Variants in AQP2 observed in about 807,000 individuals in gnomAD.
The protein encoded by AQP2 is aquaporin-2.
A neutral mutation model predicts 21.6 loss-of-function variants in AQP2; 20 were observed. That is an observed-to-expected ratio of 0.92 (90% CI 0.65 to 1.34). AQP2 has a LOEUF of 1.34. AQP2 is among the 40% of genes most tolerant of loss of function. The pLI is 0.00. For missense variants in AQP2, 325 were observed against 363.4 expected, an observed-to-expected ratio of 0.89 and a Z score of 0.86; for synonymous variants, 168 against 166.9, an observed-to-expected ratio of 1.01 and a Z score of -0.05.
At chr12:49,951,547 C>T in intron 1 of AQP2, 1 of 283,712 alleles carries the variant, frequency 3.5e-6, no homozygotes, top group Non-Finnish European at 6.7e-6. Context: ...CTGCGGGGAG[C>T]CTTGGAGTGA....
rs755053175 is a variant in AQP2, at chr12:49,955,397, A to G, written c.607-2A>G. ...CAAGCCGCCCTCTCCGCTCGCCCCC[A>G]GGTCTTCTGGATCGGACCCCTGGTG... On this transcript the variant is annotated splice_acceptor_variant, in intron 3 of 3. Coordinates refer to ENST00000199280, the MANE Select transcript of AQP2 (RefSeq NM_000486.6). LOFTEE classifies it high-confidence loss of function. 1.9e-6 allele frequency: 3 copies of G among 1,611,954 alleles called. No individual in the cohort carries two copies. Among genetic ancestry groups the G allele is most frequent in the Non-Finnish European group, 2.5e-6 (3 of 1,179,446 alleles).
At chr12:49,954,054 C>T in intron 1 of AQP2, 101 bp from the exon 2 acceptor site, 1 of 1,513,486 alleles carries the variant, frequency 6.6e-7, no homozygotes, top group Non-Finnish European at 9.1e-7. Flanking sequence ...GGCTCCCAGC[C>T]CAGAGGCCCC....
At chr12:49,954,063 C>T in intron 1 of AQP2, 92 bp from the exon 2 acceptor site, 3 of 1,550,268 alleles carry the variant, frequency 1.9e-6, no homozygotes, top group Non-Finnish European at 2.6e-6. Context: ...CCCAGAGGCC[C>T]CCTGGTGCCT....
At position 49,958,167 on chromosome 12, in the gene AQP2, G is replaced by C. The variant is rs1040546021; in HGVS notation, c.*2559G>C. On this transcript the variant is annotated 3_prime_UTR_variant, in exon 4 of 4. Transcript: ENST00000199280. ...AGGACAAAGGCCCCCAGCCATGAAGGGTTTTGCTATTTCCAAAGCTTCCCC... is the reference window on the plus strand; with the variant it reads ...AGGACAAAGGCCCCCAGCCATGAAGCGTTTTGCTATTTCCAAAGCTTCCCC... 1 of 152,104 alleles carries C rather than the reference G, an allele frequency of 6.6e-6. No homozygotes were observed. Among genetic ancestry groups the C allele is most frequent in the East Asian group, 1.9e-4 (1 of 5,184 alleles). The allele number at this position is 152,104 out of a possible 1,614,324, so 9.4% of individuals were successfully genotyped here. A position where few individuals can be genotyped will look rare whatever the true frequency, so the allele number is the denominator to read the frequency against.
rs1227987712 is a variant in AQP2, at chr12:49,954,152, C to T, written c.361-3C>T. ...CCCCTACCCGCCTCTTCTCTGTCCC[C>T]AGCTCAGCAACAGCACGACGGCTGG... On this transcript the variant is annotated splice_region_variant and splice_polypyrimidine_tract_variant and intron_variant, in intron 1 of 3. Coordinates refer to ENST00000199280, the MANE Select transcript of AQP2 (RefSeq NM_000486.6). The T allele has an allele frequency of 6.3e-7, 1 of 1,598,348 alleles. No homozygotes were observed. Among genetic ancestry groups the T allele is most frequent in the Admixed American group, 1.7e-5 (1 of 60,004 alleles).
chr12:49,955,425 C>T lies in AQP2; in HGVS notation c.633C>T (p.Gly211=), dbSNP rs1411922470. The part of the protein sequence containing the change: ...HWVFWIGPLV[G]AILGSLLYNY... ...TCTTCTGGATCGGACCCCTGGTGGG[C>T]GCCATCCTGGGCTCCCTCCTCTACA... The change falls in exon 4 of 4, where the codon GGC becomes GGT. Residue 211 remains glycine (G), a synonymous_variant. Transcript: ENST00000199280. 1 of 1,612,658 alleles carries T rather than the reference C, an allele frequency of 6.2e-7. No individual in the cohort carries two copies. The highest frequency in any genetic ancestry group is 1.1e-5 in the South Asian group (1 of 91,068).
rs1947374625 is a variant in AQP2, at chr12:49,956,922, A to G, written c.*1314A>G. The G allele has an allele frequency of 6.6e-6, 1 of 152,624 alleles. No individual in the cohort carries two copies. Among genetic ancestry groups the G allele is most frequent in the African/African-American group, 2.4e-5 (1 of 41,452 alleles). 9.5% of individuals were successfully genotyped at this position (152,624 alleles called of 1,614,324 possible). A position where few individuals can be genotyped will look rare whatever the true frequency, so the allele number is the denominator to read the frequency against. Reference sequence around the variant, plus strand: ...AGCCTGCTGCTCTCAGGACCAGAGAAGGGAAATGACTTCTCCAGGCAGAGG... The same window carrying G: ...AGCCTGCTGCTCTCAGGACCAGAGAGGGGAAATGACTTCTCCAGGCAGAGG... On this transcript the variant is annotated 3_prime_UTR_variant, in exon 4 of 4. Coordinates refer to ENST00000199280, the MANE Select transcript of AQP2 (RefSeq NM_000486.6).
At chr12:49,954,824 ACTC>A in intron 3 of AQP2, 114 bp downstream of exon 3, 3 of 1,199,750 alleles carry the variant, frequency 2.5e-6, no homozygotes, top group Non-Finnish European at 3.7e-6. Flanking sequence ...AACCCTCCAC[ACTC>A]CTCCTGGTCC....
intron 2 of AQP2, 35 bp from the exon 3 acceptor site, chr12:49,954,595 T>A (rs1396538033): frequency 1.2e-6 from 2 of 1,610,252 alleles, no homozygotes; most frequent in Non-Finnish European, 1.7e-6. Context: ...TGTCCTCACC[T>A]CCCTTCTCTC....
chr12:49,955,377 C>G (rs762684105), intron 3 of AQP2, 22 bp from the exon 4 acceptor site: 1 of 1,608,350 alleles, frequency 6.2e-7, no homozygotes. Context: ...GGTGCCAAGC[C>G]GCCCTCTCCG....
At chr12:49,954,977 G>C (rs1179274966) in intron 3 of AQP2, among the ~76,000 whole-genome samples, 5 of 152,250 alleles carry the variant, frequency 3.3e-5, no homozygotes, top group Non-Finnish European at 7.3e-5. Flanking sequence ...AGATAATGCA[G>C]TGTCTGGCAC....
chr12:49,955,355 G>C, intron 3 of AQP2, 44 bp from the exon 4 acceptor site: 1 of 1,593,548 alleles, frequency 6.3e-7, no homozygotes, highest in Non-Finnish European at 8.6e-7. Flanking sequence ...TCCGCGTGCC[G>C]GTGCCGGCGC....
chr12:49,954,330 GC>G lies in AQP2; in HGVS notation c.525+13del. ...GGCCACCTCCTTGGGGTAGGTCATG[GC>G]CATGGGTTCCAGCCTCCCTGGAGGA... On this transcript the variant is annotated intron_variant, in intron 2 of 3. Transcript: ENST00000199280. 6.2e-7 allele frequency: 1 copy of G among 1,606,660 alleles called. No individual in the cohort carries two copies.
Position 49,955,303 on chromosome 12 carries a change from G to A in AQP2, c.607-96G>A, listed in dbSNP as rs1299601997. 9.1e-6 allele frequency: 11 copies of A among 1,202,598 alleles called. No individual in the cohort carries two copies. The African/African-American group carries it at 1.1e-4, about 12-fold the overall frequency. The allele number at this position is 1,202,598 out of a possible 1,614,324, so 74.5% of individuals were successfully genotyped here. A position where few individuals can be genotyped will look rare whatever the true frequency, so the allele number is the denominator to read the frequency against. ...CATTTTACTAGATTAATGTCGGGGA[G>A]GAGAGGTGCGGCCGCAGAGTGTGCC... is the stretch of plus-strand genomic sequence containing the variant. On this transcript the variant is annotated intron_variant, in intron 3 of 3. Transcript: ENST00000199280.
rs1467240469 is a variant in AQP2 at position 49,956,497 on chromosome 12, T to G, written c.*889T>G. The G allele has an allele frequency of 3.9e-5, 6 of 152,150 alleles. No homozygotes were observed. Among genetic ancestry groups the G allele is most frequent in the African/African-American group, 1.4e-4 (6 of 41,420 alleles). The allele number at this position is 152,150 out of a possible 1,614,324, so 9.4% of individuals were successfully genotyped here. On this transcript the variant is annotated 3_prime_UTR_variant, in exon 4 of 4. Coordinates refer to ENST00000199280, the MANE Select transcript of AQP2 (RefSeq NM_000486.6). The stretch of plus-strand genomic sequence containing the variant: ...ATATGAGTGCGCACGCCTTCACGTG[T>G]GTGTATGCTGTGTGTGCCCGGGACC...
chr12:49,951,166 C>A lies in AQP2; in HGVS notation c.336C>A (p.Ile112=), dbSNP rs1158785314. ...ALLHEITPAD[I]RGDLAVNALS... is the part of the protein sequence containing the mutation. ...TCCATGAGATCACGCCAGCAGACAT[C>A]CGCGGGGACCTGGCTGTCAATGCTG... Residue 112 remains isoleucine, a synonymous_variant, in exon 1 of 4, where the codon ATC becomes ATA. Transcript: ENST00000199280. The A allele has an allele frequency of 6.2e-7, 1 of 1,605,868 alleles. No homozygotes were observed. Among genetic ancestry groups the A allele is most frequent in the South Asian group, 1.1e-5 (1 of 89,852 alleles).
At chr12:49,953,946 A>G (rs1288623570) in intron 1 of AQP2, among the ~76,000 whole-genome samples, 1 of 152,158 alleles carries the variant, frequency 6.6e-6, no homozygotes, top group Non-Finnish European at 1.5e-5. Flanking sequence ...CGGGGGGACC[A>G]TGGGCATCCT....
intron 1 of AQP2, among the ~76,000 whole-genome samples, chr12:49,952,852 G>A (rs1415094906): frequency 5.9e-5 from 9 of 152,208 alleles, no homozygotes; most frequent in Admixed American, 5.9e-4. Flanking sequence ...GACACTGAGA[G>A]CCAGCCTGGC....
intron 1 of AQP2, 110 bp downstream of exon 1, chr12:49,951,300 CAGAGGCAG>C: frequency 7.1e-7 from 1 of 1,410,740 alleles, no homozygotes; most frequent in South Asian, 1.5e-5. Context: ...GAGATGGAGA[CAGAGGCAG>C]AGAGAGAGGC....
Sources: gnomAD v4.1 joint callset for allele counts (sites outside exome capture counted in the v4.1 genomes callset) on GRCh38, gnomAD v4.1.1 for gene constraint, MANE v1.5 for transcripts, NCBI Gene and HGNC (gene_info 2026-07-23, HGNC 2026-07-21) for gene names.